The following CECR2 variants were observed in gnomAD, a reference collection of about 807,000 sequenced individuals.
CECR2 encodes chromatin remodeling regulator CECR2.
Under a neutral mutation model 154.5 loss-of-function variants are expected in CECR2, and 30 were observed. The ratio of observed to expected loss-of-function variants is 0.19; its 90% confidence interval spans 0.15 to 0.26. The LOEUF is 0.26. Ranked by LOEUF, CECR2 falls within the 10% of genes least tolerant of loss-of-function variation. The pLI is 1.00. For missense variants in CECR2, 1,743 were observed against 1,829.3 expected (o/e 0.95, Z 0.86); for synonymous variants, 725 against 683.7 (o/e 1.06, Z -0.94).
intron 1 of CECR2, among the ~76,000 whole-genome samples, chr22:17,375,128 T>TC (rs2063102495): frequency 2.1e-5 from 3 of 142,220 alleles, no homozygotes; most frequent in Non-Finnish European, 3.2e-5. Flanking sequence ...ATATATATAT[T>TC]TTTGAGTCAG....
chr22:17,542,978 A>G lies in CECR2; in HGVS notation c.2835A>G (p.Glu945=), dbSNP rs2056554810. 6.2e-7 allele frequency: 1 copy of G among 1,610,974 alleles called. No individual in the cohort carries two copies. Among genetic ancestry groups the G allele is most frequent in the Non-Finnish European group, 8.5e-7 (1 of 1,178,282 alleles). Residue 945 remains glutamate, a synonymous_variant, in exon 16 of 19, where the codon GAA becomes GAG. Transcript: ENST00000262608. ...CTGGGAGGGCACCGGAGAACAGTGA[A>G]GCACAAGAGCCTGAGAATGACCAAG... ...GNPGRAPENS[E]AQEPENDQAE... is the part of the protein sequence containing the mutation.
At chr22:17,516,006 G>A (rs1383338351) in intron 8 of CECR2, among the ~76,000 whole-genome samples, 1 of 152,140 alleles carries the variant, frequency 6.6e-6, no homozygotes, top group Non-Finnish European at 1.5e-5. Flanking sequence ...ACTTTGGGGG[G>A]CGTAAGTCAA....
chr22:17,367,747 C>T (rs751811985), upstream of CECR2, among the ~76,000 whole-genome samples: 3 of 152,188 alleles, frequency 2.0e-5, no homozygotes, highest in African/African-American at 7.2e-5. Context: ...GACGGAGAAG[C>T]AAGTCCAGAA....
intron 1 of CECR2, among the ~76,000 whole-genome samples, chr22:17,411,659 T>C (rs765961433): frequency 2.1e-4 from 32 of 152,248 alleles, no homozygotes; most frequent in Non-Finnish European, 4.1e-4. Flanking sequence ...TCCTTGTTTT[T>C]GTTTTTTATT....
intron 8 of CECR2, among the ~76,000 whole-genome samples, chr22:17,512,515 C>T (rs112821950): frequency 6.6e-6 from 1 of 151,832 alleles, no homozygotes; most frequent in African/African-American, 2.4e-5. Flanking sequence ...CCAGCCTGGC[C>T]AACATGGCAA....
At chr22:17,444,934 CAAAAA>C (rs1210512328) in intron 1 of CECR2, among the ~76,000 whole-genome samples, 1 of 152,052 alleles carries the variant, frequency 6.6e-6, no homozygotes, top group Non-Finnish European at 1.5e-5. Context: ...GAATATTCCA[CAAAAA>C]AACCAAGTAT....
At chr22:17,368,179 G>C (rs1441756846), upstream of CECR2, among the ~76,000 whole-genome samples, 4 of 152,196 alleles carry the variant, frequency 2.6e-5, no homozygotes, top group Admixed American at 2.6e-4. Context: ...ATAATAAAGT[G>C]AGGGAGAGTG....
At chr22:17,548,018 CAA>C (rs2056640276) in intron 16 of CECR2, 128 bp from the exon 17 acceptor site, 1 of 857,074 alleles carries the variant, frequency 1.2e-6, no homozygotes, top group Non-Finnish European at 1.7e-6. Context: ...TTCAGGGACT[CAA>C]ACAATTTCCA....
At chr22:17,364,803 G>A (rs192880477), upstream of CECR2, among the ~76,000 whole-genome samples, 4 of 152,128 alleles carry the variant, frequency 2.6e-5, no homozygotes, top group East Asian at 5.8e-4. Context: ...CTCCAGCCTC[G>A]GCAACAGAGG....
chr22:17,391,101 T>A (rs1360350028), intron 1 of CECR2, among the ~76,000 whole-genome samples: 1 of 152,250 alleles, frequency 6.6e-6, no homozygotes, highest in Non-Finnish European at 1.5e-5. Flanking sequence ...TAGTTTCACA[T>A]GTACATGTAC....
intron 9 of CECR2, among the ~76,000 whole-genome samples, chr22:17,526,548 T>C (rs776277480): frequency 4.6e-5 from 7 of 152,142 alleles, no homozygotes; most frequent in Non-Finnish European, 7.4e-5. Flanking sequence ...TGACGACTTA[T>C]GCCTGTAATC....
At chr22:17,521,731 G>A (rs1329088096) in intron 8 of CECR2, among the ~76,000 whole-genome samples, 2 of 152,176 alleles carry the variant, frequency 1.3e-5, no homozygotes, top group East Asian at 3.9e-4. Flanking sequence ...AGTTTCTTTT[G>A]CTGTGCAGAA....
intron 8 of CECR2, among the ~76,000 whole-genome samples, chr22:17,521,445 C>A (rs1448115596): frequency 6.6e-6 from 1 of 151,252 alleles, no homozygotes; most frequent in African/African-American, 2.4e-5. Context: ...GAGGCTGACG[C>A]AGGAGAATGG....
intron 1 of CECR2, among the ~76,000 whole-genome samples, chr22:17,383,557 C>T (rs2063224320): frequency 6.6e-6 from 1 of 151,472 alleles, no homozygotes; most frequent in Non-Finnish European, 1.5e-5. Context: ...TCCTTTTAAT[C>T]TAGTGTTCAG....
At chr22:17,543,141 T>C (rs2056557601) in intron 16 of CECR2, 138 bp downstream of exon 16, 2 of 1,095,678 alleles carry the variant, frequency 1.8e-6, no homozygotes, top group Non-Finnish European at 2.6e-6. Flanking sequence ...TTGTTCTGTT[T>C]TGTTTTTTTG....
chr22:17,544,949 G>A (rs2056588482), intron 16 of CECR2, among the ~76,000 whole-genome samples: 1 of 151,914 alleles, frequency 6.6e-6, no homozygotes, highest in Admixed American at 6.6e-5. Flanking sequence ...TCCATCCTGG[G>A]CAACAGAGCA....
At chr22:17,472,586 T>C (rs925792431) in intron 1 of CECR2, among the ~76,000 whole-genome samples, 1 of 152,148 alleles carries the variant, frequency 6.6e-6, no homozygotes, top group African/African-American at 2.4e-5. Flanking sequence ...CTTTAAACAT[T>C]TTCCCCCTCC....
At chr22:17,430,026 G>A (rs762646745) in intron 1 of CECR2, among the ~76,000 whole-genome samples, 6 of 152,158 alleles carry the variant, frequency 3.9e-5, no homozygotes, top group Non-Finnish European at 8.8e-5. Context: ...GTGTATGAGA[G>A]TATTCGTTTC....
intron 1 of CECR2, among the ~76,000 whole-genome samples, chr22:17,380,173 G>A (rs1256408478): frequency 6.6e-6 from 1 of 152,128 alleles, no homozygotes; most frequent in African/African-American, 2.4e-5. Context: ...TGTTAAATCC[G>A]AGAATTTGTG....
Sources: gnomAD v4.1 joint callset for allele counts (sites outside exome capture counted in the v4.1 genomes callset) on GRCh38, gnomAD v4.1.1 for gene constraint, MANE v1.5 for transcripts, NCBI Gene and HGNC (gene_info 2026-07-23, HGNC 2026-07-21) for gene names.